The following PLEK2 variants were observed in gnomAD, a reference collection of about 807,000 sequenced individuals.
The protein encoded by PLEK2 is pleckstrin 2.
PLEK2 carries 29 observed loss-of-function variants against 43.8 expected under a neutral mutation model. The ratio of observed to expected loss-of-function variants is 0.66; its 90% CI spans 0.49 to 0.90. The LOEUF (loss-of-function observed/expected upper bound fraction) is 0.90. PLEK2 is among the 40% of genes least tolerant of loss of function. PLEK2 has a pLI of 0.00. For synonymous variants in PLEK2, 162 were observed against 173.2 expected (o/e 0.94, Z 0.51); for missense variants, 398 against 448.1 (o/e 0.89, Z 1.01).
intron 1 of PLEK2, among the ~76,000 whole-genome samples, chr14:67,409,157 T>G (rs1461634107): frequency 3.3e-5 from 5 of 152,008 alleles, no homozygotes; most frequent in Admixed American, 6.6e-5. Flanking sequence ...GCAGGAGGAT[T>G]GCTTGAGCCT....
chr14:67,400,769 C>G (rs2086042799), intron 1 of PLEK2, among the ~76,000 whole-genome samples: 1 of 152,024 alleles, frequency 6.6e-6, no homozygotes, highest in Admixed American at 6.6e-5. Context: ...AGGAGGATCA[C>G]TTGAGACCAG....
At chr14:67,403,077 G>T (rs1317957627) in intron 1 of PLEK2, among the ~76,000 whole-genome samples, 1 of 152,126 alleles carries the variant, frequency 6.6e-6, no homozygotes, top group Non-Finnish European at 1.5e-5. Context: ...ATCCTCACCA[G>T]AATTTGTATT....
chr14:67,407,628 A>T (rs1440873707), intron 1 of PLEK2, among the ~76,000 whole-genome samples: 1 of 151,730 alleles, frequency 6.6e-6, no homozygotes, highest in African/African-American at 2.4e-5. Context: ...TTTTGTAGAG[A>T]TGAGTTCTCA....
intron 7 of PLEK2, among the ~76,000 whole-genome samples, chr14:67,389,420 C>T (rs906727113): frequency 2.0e-5 from 3 of 152,050 alleles, no homozygotes; most frequent in African/African-American, 4.8e-5. Context: ...GAGTAAAGTG[C>T]GGAACAAATT....
chr14:67,388,367 C>G lies in PLEK2; in HGVS notation c.856-65G>C. 3 of 952,380 alleles carry G rather than the reference C, an allele frequency of 3.1e-6. No homozygotes were observed. The South Asian group carries it at 3.9e-5, about 12-fold the overall frequency. The allele number at this position is 952,380 out of a possible 1,614,324, so 59.0% of individuals were successfully genotyped here. A position where few individuals can be genotyped will look rare whatever the true frequency, so the allele number is the denominator to read the frequency against. On this transcript the variant is annotated intron_variant, in intron 7 of 8. Coordinates refer to ENST00000216446, the MANE Select transcript of PLEK2 (RefSeq NM_016445.3). ...AACAAAAGGGAAGAGTTGCACTCCC[C>G]TTACAACTCAGGCCAGCTAAAGAAG... is the stretch of plus-strand genomic sequence containing the variant.
chr14:67,393,119 T>C, intron 4 of PLEK2, 31 bp downstream of exon 4: 1 of 1,511,434 alleles, frequency 6.6e-7, no homozygotes, highest in East Asian at 2.3e-5. Context: ...CCAGCTTGAC[T>C]GCCCAGCCCG....
chr14:67,391,272 T>C (rs528022570), intron 6 of PLEK2, among the ~76,000 whole-genome samples: 1 of 86,274 alleles, frequency 1.2e-5, no homozygotes, highest in South Asian at 3.2e-4. Context: ...GCAGCTGATA[T>C]GTGTGTGTGT....
intron 7 of PLEK2, among the ~76,000 whole-genome samples, chr14:67,389,906 A>G (rs1484186550): frequency 6.6e-6 from 1 of 152,136 alleles, no homozygotes; most frequent in East Asian, 1.9e-4. Flanking sequence ...CAGAGAGGTC[A>G]ACTGGAGCTT....
At chr14:67,404,770 A>G (rs566436570) in intron 1 of PLEK2, among the ~76,000 whole-genome samples, 2 of 151,770 alleles carry the variant, frequency 1.3e-5, no homozygotes, top group Non-Finnish European at 2.9e-5. Flanking sequence ...TGATCACACC[A>G]ATGAACTCCA....
At chr14:67,393,102 C>T (rs2085980976) in intron 4 of PLEK2, 48 bp downstream of exon 4, 1 of 1,371,564 alleles carries the variant, frequency 7.3e-7, no homozygotes, top group East Asian at 2.3e-5. Flanking sequence ...CCCTGCATCA[C>T]CATGTCCCAG....
Position 67,392,430 on chromosome 14 carries a change from A to G in PLEK2, c.670-3T>C, listed in dbSNP as rs2085976326. 1 of 1,599,358 alleles carries G rather than the reference A, an allele frequency of 6.3e-7. No homozygotes were observed. Among genetic ancestry groups the G allele is most frequent in the Non-Finnish European group, 8.6e-7 (1 of 1,166,670 alleles). On this transcript the variant is annotated splice_region_variant and splice_polypyrimidine_tract_variant and intron_variant, in intron 5 of 8. Coordinates refer to ENST00000216446, the MANE Select transcript of PLEK2 (RefSeq NM_016445.3). ...ATCTTCTTTTTGTAGCTCTCAGCCT[A>G]GGGGGAAGGAGGGAGCAAGGACTCT...
intron 1 of PLEK2, among the ~76,000 whole-genome samples, chr14:67,406,532 G>C (rs2086080574): frequency 6.6e-6 from 1 of 152,136 alleles, no homozygotes; most frequent in Non-Finnish European, 1.5e-5. Context: ...AGGTGATGGG[G>C]ACCAAGGTGG....
intron 1 of PLEK2, among the ~76,000 whole-genome samples, chr14:67,409,703 C>A (rs927069130): frequency 2.0e-5 from 3 of 152,174 alleles, no homozygotes; most frequent in Admixed American, 2.0e-4. Context: ...CATGTCCCTG[C>A]CTGTCTCTGG....
At chr14:67,407,109 C>T (rs2086083795) in intron 1 of PLEK2, among the ~76,000 whole-genome samples, 1 of 152,034 alleles carries the variant, frequency 6.6e-6, no homozygotes, top group Admixed American at 6.6e-5. Flanking sequence ...AAAAAGCCTC[C>T]TTTATTCCTT....
chr14:67,408,518 T>C (rs1202673273), intron 1 of PLEK2, among the ~76,000 whole-genome samples: 1 of 152,150 alleles, frequency 6.6e-6, no homozygotes, highest in East Asian at 1.9e-4. Context: ...CACCCTAGAC[T>C]AGAATGGGCA....
intron 1 of PLEK2, among the ~76,000 whole-genome samples, chr14:67,401,057 C>T (rs889943868): frequency 6.6e-6 from 1 of 151,918 alleles, no homozygotes; most frequent in Admixed American, 6.6e-5. Flanking sequence ...CTCCAAAATT[C>T]GTATGTTGAA....
chr14:67,389,775 CTTTTTTTT>C (rs74368440), intron 7 of PLEK2, among the ~76,000 whole-genome samples: 1 of 137,356 alleles, frequency 7.3e-6, no homozygotes, highest in Non-Finnish European at 1.6e-5. Context: ...TGTTTTTTTT[CTTTTTTTT>C]TTTTTTAAGT....
rs1392392389 is a variant in PLEK2, at chr14:67,392,358, T to C, written c.739A>G (p.Thr247Ala). 3 of 1,613,376 alleles carry C rather than the reference T, an allele frequency of 1.9e-6. No individual in the cohort carries two copies. Residue 247 changes from threonine to alanine, a missense_variant, in exon 6 of 9, where the codon ACG becomes GCG. By Grantham distance (58) the Thr-to-Ala change is moderately conservative (BLOSUM62 0). Coordinates refer to ENST00000216446, the MANE Select transcript of PLEK2 (RefSeq NM_016445.3). The part of the protein sequence containing the change: ...ISLSTVELSG[T>A]VVKQGYLAKQ... ...GCCAGGTAGCCTTGTTTCACCACCG[T>C]GCCACTTAACTCCACAGTGCTCAGG...
intron 1 of PLEK2, among the ~76,000 whole-genome samples, chr14:67,408,143 G>A (rs1290352707): frequency 4.0e-5 from 6 of 151,680 alleles, no homozygotes; most frequent in Admixed American, 1.3e-4. Flanking sequence ...AAAATTAACC[G>A]GGCGTGGTGG....
Sources: allele counts gnomAD v4.1 joint callset (sites outside exome capture counted in the v4.1 genomes callset), GRCh38; gene constraint gnomAD v4.1.1; transcripts MANE v1.5; gene names NCBI Gene and HGNC (gene_info 2026-07-23, HGNC 2026-07-21).